The following ADAMTSL1 variants were observed in gnomAD, a reference collection of about 807,000 sequenced individuals.
The protein encoded by ADAMTSL1 is ADAMTS like 1, also known as ADAMTS-like protein 1.
ADAMTSL1 carries 126 observed loss-of-function variants against 201.8 expected under a neutral mutation model. That is an observed-to-expected ratio of 0.62 (90% CI 0.54 to 0.72). The LOEUF is 0.72. Among genes scored for constraint, ADAMTSL1 ranks in the 30% least tolerant of loss-of-function variants. The pLI is 0.00. For synonymous variants in ADAMTSL1, 1,121 were observed against 903.4 expected, an observed-to-expected ratio of 1.24 and a Z score of -4.32; for missense variants, 2,679 against 2,277.8, an observed-to-expected ratio of 1.18 and a Z score of -3.59.
chr9:18,895,439 CA>C (rs57740948), intron 26 of ADAMTSL1, among the ~76,000 whole-genome samples: 77,708 of 129,304 alleles, frequency 0.6, 20,951 homozygotes, highest in African/African-American at 0.72. Flanking sequence ...CCCCTCCCCC[CA>C]ATGTGGCATG....
intron 1 of ADAMTSL1, among the ~76,000 whole-genome samples, chr9:18,011,424 A>C (rs1323006329): frequency 6.6e-5 from 10 of 152,090 alleles, no homozygotes; most frequent in Admixed American, 5.9e-4. Flanking sequence ...TACCCCCTGC[A>C]AGTGGTGAAG....
At chr9:18,782,680 G>A (rs1444413639) in intron 19 of ADAMTSL1, among the ~76,000 whole-genome samples, 1 of 152,138 alleles carries the variant, frequency 6.6e-6, no homozygotes, top group Non-Finnish European at 1.5e-5. Context: ...ATTAAAACGG[G>A]TATAATAAGA....
chr9:18,274,397 C>CT (rs1587445867), intron 2 of ADAMTSL1, among the ~76,000 whole-genome samples: 4 of 152,066 alleles, frequency 2.6e-5, no homozygotes, highest in Admixed American at 2.6e-4. Flanking sequence ...GCTAATATTT[C>CT]TTTCCCCCAA....
At chr9:18,725,968 C>G (rs1488125055) in intron 15 of ADAMTSL1, among the ~76,000 whole-genome samples, 2 of 152,164 alleles carry the variant, frequency 1.3e-5, no homozygotes, top group Admixed American at 6.5e-5. Context: ...AAAGAACCAG[C>G]ACATTGATTT....
intron 3 of ADAMTSL1, among the ~76,000 whole-genome samples, chr9:18,543,903 A>G (rs965854026): frequency 6.6e-6 from 1 of 151,832 alleles, no homozygotes; most frequent in Non-Finnish European, 1.5e-5. Flanking sequence ...TTTTTCTGAC[A>G]TGTCTTTATT....
chr9:18,729,532 G>A (rs1462738506), intron 15 of ADAMTSL1, among the ~76,000 whole-genome samples: 2 of 152,210 alleles, frequency 1.3e-5, no homozygotes, highest in Non-Finnish European at 2.9e-5. Flanking sequence ...CCTTAATGGT[G>A]TTTGTTTATG....
chr9:18,249,171 A>T (rs532985938), intron 2 of ADAMTSL1, among the ~76,000 whole-genome samples: 39 of 152,306 alleles, frequency 2.6e-4, no homozygotes, highest in African/African-American at 9.1e-4. Context: ...TGTTTCGTTA[A>T]TCCCAAATAA....
chr9:18,607,260 T>C lies in ADAMTSL1; in HGVS notation c.475-14983T>C, dbSNP rs16923418. On this transcript the variant is annotated intron_variant, in intron 4 of 28. Transcript: ENST00000380548. ...CTACAGAATATAGTTCAACTTTCGA[T>C]TGTAAAATTTTAATGTTGAAAAACA... Among the ~76,000 whole-genome samples, 278 of 152,308 alleles carry C rather than the reference T, an allele frequency of 1.8e-3. 1 individual carries two copies. Among genetic ancestry groups the C allele is most frequent in the African/African-American group, 6.1e-3 (252 of 41,566 alleles).
intron 1 of ADAMTSL1, among the ~76,000 whole-genome samples, chr9:17,996,891 AATG>A (rs1269312461): frequency 6.6e-6 from 1 of 152,114 alleles, no homozygotes; most frequent in Non-Finnish European, 1.5e-5. Flanking sequence ...GCTGCAGAAG[AATG>A]ATGAATACTA....
chr9:18,550,609 C>A (rs1016218393), intron 3 of ADAMTSL1, among the ~76,000 whole-genome samples: 5 of 151,824 alleles, frequency 3.3e-5, no homozygotes, highest in Non-Finnish European at 7.4e-5. Context: ...TCTCCGCAGC[C>A]TCTAAAAAGT....
intron 2 of ADAMTSL1, among the ~76,000 whole-genome samples, chr9:18,408,289 T>A (rs1403813502): frequency 6.6e-6 from 1 of 152,054 alleles, no homozygotes; most frequent in African/African-American, 2.4e-5. Context: ...GCCAACATGG[T>A]GAAACACTGT....
chr9:17,988,716 T>C (rs942486792), intron 1 of ADAMTSL1, among the ~76,000 whole-genome samples: 6 of 152,156 alleles, frequency 3.9e-5, no homozygotes, highest in African/African-American at 1.4e-4. Flanking sequence ...CATGAATGTG[T>C]TACTGCTTTC....
intron 3 of ADAMTSL1, among the ~76,000 whole-genome samples, chr9:18,543,509 C>G (rs144211417): frequency 1.1e-3 from 173 of 152,268 alleles, no homozygotes; most frequent in African/African-American, 4.0e-3. Flanking sequence ...AAATTAATCT[C>G]TAAATGCAAT....
chr9:17,962,320 C>T (rs1817787746), intron 1 of ADAMTSL1, among the ~76,000 whole-genome samples: 1 of 152,170 alleles, frequency 6.6e-6, no homozygotes, highest in African/African-American at 2.4e-5. Context: ...CTGTGAATAT[C>T]ACAGGATACC....
intron 2 of ADAMTSL1, among the ~76,000 whole-genome samples, chr9:18,400,127 C>G (rs78846711): frequency 0.016 from 1,761 of 110,196 alleles, 33 homozygotes; most frequent in African/African-American, 0.055. Flanking sequence ...GCAACTCCCT[C>G]TTTCCAAAGC....
At chr9:18,136,928 A>G (rs1262546884) in intron 1 of ADAMTSL1, among the ~76,000 whole-genome samples, 1 of 152,164 alleles carries the variant, frequency 6.6e-6, no homozygotes, top group African/African-American at 2.4e-5. Flanking sequence ...AGGGTCAACA[A>G]TGGGGAGGCC....
At chr9:18,546,114 T>C (rs755889514) in intron 3 of ADAMTSL1, among the ~76,000 whole-genome samples, 1 of 152,222 alleles carries the variant, frequency 6.6e-6, no homozygotes, top group Non-Finnish European at 1.5e-5. Context: ...TTAAACATTC[T>C]CTTTCTTTTA....
intron 2 of ADAMTSL1, among the ~76,000 whole-genome samples, chr9:18,383,216 C>G (rs10963591): frequency 6.6e-6 from 1 of 152,076 alleles, no homozygotes. Context: ...TTACAAATGT[C>G]GCAAAGTCTT....
At chr9:17,962,419 AG>A in intron 1 of ADAMTSL1, among the ~76,000 whole-genome samples, 1 of 152,186 alleles carries the variant, frequency 6.6e-6, no homozygotes, top group Non-Finnish European at 1.5e-5. Context: ...TATGAAAATA[AG>A]CCCTAGTTAG....
Sources: allele counts gnomAD v4.1 joint callset (sites outside exome capture counted in the v4.1 genomes callset), GRCh38; gene constraint gnomAD v4.1.1; transcripts MANE v1.5; gene names NCBI Gene and HGNC (gene_info 2026-07-23, HGNC 2026-07-21).